The following PDSS2 variants were observed in gnomAD, a reference collection of about 807,000 sequenced individuals.
PDSS2 encodes decaprenyl diphosphate synthase subunit 2, also known as all trans-polyprenyl-diphosphate synthase PDSS2.
In PDSS2, 31 loss-of-function variants were observed where a neutral mutation model predicts 44.5. The ratio of observed to expected loss-of-function variants is 0.70; its 90% confidence interval spans 0.52 to 0.94. The LOEUF (loss-of-function observed/expected upper bound fraction) is 0.94, where lower values mean the gene tolerates loss of function less well. Among genes scored for constraint, PDSS2 ranks in the 40% least tolerant of loss-of-function variants. The pLI, the probability that PDSS2 is intolerant of heterozygous loss-of-function variation, is 0.00. For missense variants in PDSS2, 452 were observed against 482.2 expected (o/e 0.94, Z 0.59); for synonymous variants, 157 against 180.3 (o/e 0.87, Z 1.03).
intron 4 of PDSS2, among the ~76,000 whole-genome samples, chr6:107,219,556 G>C (rs1190790971): frequency 6.6e-6 from 1 of 152,138 alleles, no homozygotes; most frequent in Non-Finnish European, 1.5e-5. Context: ...CAAAATGCTG[G>C]GATTATAGGC....
At chr6:107,323,727 A>C (rs931086410) in intron 2 of PDSS2, among the ~76,000 whole-genome samples, 15 of 152,220 alleles carry the variant, frequency 9.9e-5, no homozygotes, top group Non-Finnish European at 1.3e-4. Flanking sequence ...ATGAATGCCC[A>C]AAATTAAGCA....
intron 1 of PDSS2, among the ~76,000 whole-genome samples, chr6:107,451,122 G>A (rs545965942): frequency 1.3e-5 from 2 of 152,324 alleles, no homozygotes; most frequent in Admixed American, 6.5e-5. Flanking sequence ...GTGAGCCACT[G>A]TGCCCAGTCG....
chr6:107,364,839 C>T (rs1013114317), intron 1 of PDSS2, among the ~76,000 whole-genome samples: 1 of 152,222 alleles, frequency 6.6e-6, no homozygotes, highest in Non-Finnish European at 1.5e-5. Context: ...AGAAAAATGA[C>T]TTTATCATGT....
chr6:107,235,574 A>G (rs1774195624), intron 4 of PDSS2, among the ~76,000 whole-genome samples: 1 of 152,226 alleles, frequency 6.6e-6, no homozygotes, highest in African/African-American at 2.4e-5. Flanking sequence ...ACTACATTCA[A>G]GAAGAAAGTT....
intron 7 of PDSS2, among the ~76,000 whole-genome samples, chr6:107,167,463 G>A (rs1419770788): frequency 6.6e-6 from 1 of 152,094 alleles, no homozygotes; most frequent in Non-Finnish European, 1.5e-5. Context: ...AAGGGTTTTT[G>A]TGTCTCTGTC....
At chr6:107,231,440 A>G (rs1029795603) in intron 4 of PDSS2, among the ~76,000 whole-genome samples, 1 of 152,126 alleles carries the variant, frequency 6.6e-6, no homozygotes, top group East Asian at 1.9e-4. Flanking sequence ...CTTGCCCTAC[A>G]CTTGTTTCCA....
Position 107,344,139 on chromosome 6 carries a change from T to G in PDSS2, c.297-9807A>C, listed in dbSNP as rs567171021. The stretch of plus-strand genomic sequence containing the variant: ...GTCCTACTACTTCACTTTTAATTTC[T>G]CTGAGATTTAGACACAGGACCAAAG... On this transcript the variant is annotated intron_variant, in intron 1 of 7. Coordinates refer to ENST00000369037, the MANE Select transcript of PDSS2 (RefSeq NM_020381.4). Among the ~76,000 whole-genome samples the G allele has an allele frequency of 4.6e-5, 7 of 152,322 alleles. No individual in the cohort carries two copies. In the East Asian group the frequency reaches 1.3e-3, roughly 29 times the overall value.
intron 2 of PDSS2, among the ~76,000 whole-genome samples, chr6:107,283,269 TG>T (rs1223694376): frequency 6.6e-6 from 1 of 151,696 alleles, no homozygotes; most frequent in Non-Finnish European, 1.5e-5. Context: ...GAGGCTACGG[TG>T]GGCTGTGTTT....
At chr6:107,263,895 T>C (rs559688087) in intron 3 of PDSS2, among the ~76,000 whole-genome samples, 55 of 152,328 alleles carry the variant, frequency 3.6e-4, no homozygotes, top group African/African-American at 1.3e-3. Context: ...ACTGTTATAC[T>C]ATATGACACC....
chr6:107,169,247 C>G (rs1019283582), intron 7 of PDSS2, among the ~76,000 whole-genome samples: 5 of 152,068 alleles, frequency 3.3e-5, no homozygotes, highest in African/African-American at 4.8e-5. Context: ...TCACTTGATA[C>G]CCTTTCTTCC....
Position 107,212,155 on chromosome 6 carries a change from T to C in PDSS2, c.830A>G (p.Gln277Arg), listed in dbSNP as rs745590054. 6.2e-7 allele frequency: 1 copy of C among 1,614,168 alleles called. No homozygotes were observed. The highest frequency in any genetic ancestry group is 1.1e-5 in the South Asian group (1 of 91,090). The change falls in exon 5 of 8, where the codon CAG becomes CGG. Residue 277 changes from glutamine to arginine, a missense_variant. Coordinates refer to ENST00000369037, the MANE Select transcript of PDSS2 (RefSeq NM_020381.4). ...CTTCCCATACTGAAATGCCATATTC[T>C]GAACCTCAGCATCATGCTTTGCTAA... ...MELAKHDAEV[Q>R]NMAFQYGKHM...
At chr6:107,279,791 T>C (rs1043429898) in intron 2 of PDSS2, among the ~76,000 whole-genome samples, 2 of 152,220 alleles carry the variant, frequency 1.3e-5, no homozygotes, top group Admixed American at 1.3e-4. Context: ...TTTCACTCTC[T>C]AGTACTGTGC....
At chr6:107,231,953 ACT>A (rs1176775006) in intron 4 of PDSS2, among the ~76,000 whole-genome samples, 5 of 128,668 alleles carry the variant, frequency 3.9e-5, no homozygotes, top group Admixed American at 1.6e-4. Flanking sequence ...CAAGAGTGAA[ACT>A]CTGTCTCAAA....
intron 1 of PDSS2, among the ~76,000 whole-genome samples, chr6:107,363,504 C>G (rs374769814): frequency 6.6e-6 from 1 of 151,966 alleles, no homozygotes; most frequent in East Asian, 1.9e-4. Context: ...CGTTCCATCC[C>G]GGTGGGCTCG....
chr6:107,264,191 A>G, intron 3 of PDSS2: 1 of 1,020,410 alleles, frequency 9.8e-7, no homozygotes, highest in Non-Finnish European at 1.2e-6. Context: ...ACAAATAGAC[A>G]ATAGCATCTT....
intron 4 of PDSS2, among the ~76,000 whole-genome samples, chr6:107,242,058 T>A (rs1214129249): frequency 6.6e-6 from 1 of 152,120 alleles, no homozygotes; most frequent in East Asian, 1.9e-4. Flanking sequence ...TCTGAAGTAC[T>A]TCTTGCGCTG....
intron 1 of PDSS2, among the ~76,000 whole-genome samples, chr6:107,415,861 CT>C (rs1197897757): frequency 6.6e-6 from 1 of 152,190 alleles, no homozygotes; most frequent in Non-Finnish European, 1.5e-5. Context: ...ACTGCATTCA[CT>C]TAGTAAAATG....
intron 7 of PDSS2, among the ~76,000 whole-genome samples, chr6:107,161,232 G>C (rs1771115186): frequency 6.6e-6 from 1 of 151,100 alleles, no homozygotes; most frequent in Non-Finnish European, 1.5e-5. Context: ...TGTAATCCCA[G>C]AACTTTGGGA....
intron 1 of PDSS2, among the ~76,000 whole-genome samples, chr6:107,429,901 A>AAAAATATATATATAT (rs1166637352): frequency 3.1e-5 from 1 of 31,840 alleles, no homozygotes; most frequent in African/African-American, 1.3e-4. Flanking sequence ...AAAAAAAAAA[A>AAAAATATATATATAT]ATATATATAT....
Sources: allele counts gnomAD v4.1 joint callset (sites outside exome capture counted in the v4.1 genomes callset), GRCh38; gene constraint gnomAD v4.1.1; transcripts MANE v1.5; gene names NCBI Gene and HGNC (gene_info 2026-07-23, HGNC 2026-07-21).